OXNAD1: variants seen among roughly 807,000 people sequenced by gnomAD.
The protein encoded by OXNAD1 is oxidoreductase NAD binding domain containing 1, also known as oxidoreductase NAD-binding domain-containing protein 1.
Under a neutral mutation model 32.9 loss-of-function variants are expected in OXNAD1, and 34 were observed. That is an observed-to-expected ratio of 1.03 (90% CI 0.79 to 1.38). The LOEUF is 1.38. OXNAD1 is among the 40% of genes most tolerant of loss of function. The probability of loss-of-function intolerance (pLI) is 0.00; values close to 1 mark genes in which losing one functional copy is unlikely to be tolerated. For synonymous variants in OXNAD1, 134 were observed against 135.2 expected (o/e 0.99, Z 0.06); for missense variants, 407 against 379.4 (o/e 1.07, Z -0.60).
At position 16,345,850 on chromosome 3, in the gene OXNAD1, A is replaced by G. The variant is rs762804090; in HGVS notation, c.*31-3326A>G. 6.3e-4 allele frequency among the ~76,000 whole-genome samples: 17 copies of G among 26,998 alleles called. No homozygotes were observed. Among genetic ancestry groups the G allele is most frequent in the South Asian group, 1.1e-3 (1 of 888 alleles). The allele number at this position is 26,998 out of a possible 152,430, so 17.7% of individuals were successfully genotyped here. ...CGCGTGCGCGCACGCGCACATGTGCATGTGTATGTGTATAATCTCCTACTG... is the reference window on the plus strand; with the variant it reads ...CGCGTGCGCGCACGCGCACATGTGCGTGTGTATGTGTATAATCTCCTACTG... On this transcript the variant is annotated intron_variant, in intron 9 of 9. Transcript: ENST00000606098. This position sits in a 1 kb window ranked among gnomAD's most constrained non-coding sequence, Gnocchi z 5.2.
At position 16,346,715 on chromosome 3, in the gene OXNAD1, A is replaced by G. The variant is rs939029722; in HGVS notation, c.*31-2461A>G. On this transcript the variant is annotated intron_variant, in intron 9 of 9. Transcript: ENST00000606098. The surrounding 1 kb of genome is among the most constrained non-coding windows in gnomAD (Gnocchi z 4.4). ...GTTTCTGGGAAAGCTTTTACTTGCT[A>G]ATAAAAAGGGACGTGTGGCAGGAAA... is the stretch of plus-strand genomic sequence containing the variant. Among the ~76,000 whole-genome samples the G allele has an allele frequency of 6.6e-6, 1 of 152,186 alleles. No individual in the cohort carries two copies.
intron 9 of OXNAD1, among the ~76,000 whole-genome samples, chr3:16,333,891 C>T (rs749500936): frequency 5.3e-5 from 8 of 152,196 alleles, no homozygotes; most frequent in African/African-American, 7.2e-5. Context: ...ACCAGCCGGG[C>T]GTGGTGGCTC....
At chr3:16,306,100 A>ATGAG (rs2067535991), downstream of OXNAD1, 1 of 139,916 alleles carries the variant, frequency 7.1e-6, no homozygotes, top group African/African-American at 3.3e-5. Flanking sequence ...CTCTGGCTCT[A>ATGAG]TGAGTTTGAA....
At chr3:16,333,982 G>C (rs541493668) in intron 9 of OXNAD1, among the ~76,000 whole-genome samples, 1 of 152,134 alleles carries the variant, frequency 6.6e-6, no homozygotes, top group African/African-American at 2.4e-5. Context: ...GGGCTAACAC[G>C]GTGAAACCCC....
At chr3:16,318,956 G>A (rs2068734580) in intron 9 of OXNAD1, among the ~76,000 whole-genome samples, 1 of 152,158 alleles carries the variant, frequency 6.6e-6, no homozygotes, top group African/African-American at 2.4e-5. Flanking sequence ...TGCCAGGCAG[G>A]CATCTCGAGG....
rs1244950528 is a variant in OXNAD1 at position 16,289,744 on chromosome 3, T to C, written c.290+3296T>C. 1.3e-5 allele frequency among the ~76,000 whole-genome samples: 2 copies of C among 152,238 alleles called. No individual in the cohort carries two copies. Among genetic ancestry groups the C allele is most frequent in the Non-Finnish European group, 2.9e-5 (2 of 68,036 alleles). On this transcript the variant is annotated intron_variant, in intron 5 of 8. Transcript: ENST00000285083. The surrounding 1 kb of genome is among the most constrained non-coding windows in gnomAD (Gnocchi z 4.9). Reference sequence around the variant, plus strand: ...GTAAGCATTGTGTGTCTTTTAAGACTGTTTAAAGGGCATCTCTTCTGTGAA... The same window carrying C: ...GTAAGCATTGTGTGTCTTTTAAGACCGTTTAAAGGGCATCTCTTCTGTGAA...
chr3:16,270,754 C>T (rs2064867639), intron 2 of OXNAD1, among the ~76,000 whole-genome samples, 191 bp from the exon 3 acceptor site: 1 of 152,016 alleles, frequency 6.6e-6, no homozygotes, highest in Non-Finnish European at 1.5e-5. Flanking sequence ...GTGGAGATAC[C>T]TTGAGTCAAC....
At chr3:16,347,118 T>C (rs145524660) in intron 9 of OXNAD1, among the ~76,000 whole-genome samples, 3 of 152,320 alleles carry the variant, frequency 2.0e-5, no homozygotes, top group East Asian at 1.9e-4. Flanking sequence ...CCAGGGCCAA[T>C]TGTCCCAGTG....
chr3:16,333,398 T>C (rs1052920790), intron 9 of OXNAD1, among the ~76,000 whole-genome samples: 2 of 152,234 alleles, frequency 1.3e-5, no homozygotes, highest in Admixed American at 1.3e-4. Flanking sequence ...TGTATTGATT[T>C]TGGGATTACA....
At chr3:16,347,951 T>C (rs1276343866) in intron 9 of OXNAD1, 1 of 151,934 alleles carries the variant, frequency 6.6e-6, no homozygotes, top group Non-Finnish European at 1.5e-5. Flanking sequence ...TACAACAGAG[T>C]AGAAGCAGCC....
rs988356606 is a variant in OXNAD1, at chr3:16,334,682, G to A, written c.*31-2430G>A. Reference sequence around the variant, plus strand: ...AGGAACCTATGGAAATGTCCAGGAGGCAACTAAATGAAACAGCCTGTGGTA... The same window carrying A: ...AGGAACCTATGGAAATGTCCAGGAGACAACTAAATGAAACAGCCTGTGGTA... On this transcript the variant is annotated intron_variant, in intron 9 of 9. Transcript: ENST00000435829. This position sits in a 1 kb window ranked among gnomAD's most constrained non-coding sequence, Gnocchi z 4.3. Among the ~76,000 whole-genome samples the A allele has an allele frequency of 6.6e-6, 1 of 152,132 alleles. No homozygotes were observed. Among genetic ancestry groups the A allele is most frequent in the Non-Finnish European group, 1.5e-5 (1 of 68,016 alleles).
chr3:16,307,762 T>A (rs2067666093), downstream of OXNAD1, among the ~76,000 whole-genome samples: 2 of 109,208 alleles, frequency 1.8e-5, no homozygotes, highest in African/African-American at 8.7e-5. Flanking sequence ...TAATTTTAGA[T>A]TTACAGAAGA....
In OXNAD1 at chr3:16,345,137, CCT is replaced by C. The variant is rs2071556527; in HGVS notation, c.*31-4036_*31-4035del. 1 of 152,236 alleles carries C rather than the reference CCT, an allele frequency of 6.6e-6. No individual in the cohort carries two copies. The highest frequency in any genetic ancestry group is 2.1e-4 in the South Asian group (1 of 4,838). 9.4% of individuals were successfully genotyped at this position (152,236 alleles called of 1,614,324 possible). On this transcript the variant is annotated intron_variant, in intron 9 of 9. Coordinates refer to the OXNAD1 transcript ENST00000606098. The surrounding 1 kb of genome is among the most constrained non-coding windows in gnomAD (Gnocchi z 5.2). ...GGAAGTGGATTCTTCCCCACCAAAA[CCT>C]CTAATAAGGCACACAGCTCTGCTGA...
rs1454791036 is a variant in OXNAD1 at position 16,271,416 on chromosome 3, C to T, written c.120-243C>T. On this transcript the variant is annotated intron_variant, in intron 3 of 8. Transcript: ENST00000285083. This position sits in a 1 kb window ranked among gnomAD's most constrained non-coding sequence, Gnocchi z 4.6. Reference sequence around the variant, plus strand: ...AAAGGCTTTCTCCATGTTGGCCAGGCTGGTCTCGTACTCCTGACGTCAGAT... The same window carrying T: ...AAAGGCTTTCTCCATGTTGGCCAGGTTGGTCTCGTACTCCTGACGTCAGAT... Among the ~76,000 whole-genome samples, 1 of 152,130 alleles carries T rather than the reference C, an allele frequency of 6.6e-6. No homozygotes were observed. The highest frequency in any genetic ancestry group is 1.5e-5 in the Non-Finnish European group (1 of 68,024).
chr3:16,276,615 C>T (rs766505611), intron 4 of OXNAD1: 4 of 162,154 alleles, frequency 2.5e-5, no homozygotes, highest in East Asian at 3.7e-4. Flanking sequence ...TTGTTCCTGG[C>T]GATTTGTAGA....
chr3:16,282,844 C>CG (rs2065845670), intron 4 of OXNAD1, among the ~76,000 whole-genome samples: 1 of 13,822 alleles, frequency 7.2e-5, no homozygotes, highest in South Asian at 2.2e-3. Flanking sequence ...TTTTTTTTTT[C>CG]GGTGATTGAG....
At chr3:16,278,803 C>G (rs2065539230) in intron 4 of OXNAD1, among the ~76,000 whole-genome samples, 1 of 152,200 alleles carries the variant, frequency 6.6e-6, no homozygotes, top group Admixed American at 6.5e-5. Flanking sequence ...GGCTGGGCCC[C>G]TGGGGCAGAT....
rs758887586 is a variant in OXNAD1, at chr3:16,329,306, C to T, written c.*31-7806C>T. Among the ~76,000 whole-genome samples the T allele has an allele frequency of 2.0e-5, 3 of 152,028 alleles. No individual in the cohort carries two copies. The highest frequency in any genetic ancestry group is 4.4e-5 in the Non-Finnish European group (3 of 68,020). On this transcript the variant is annotated intron_variant, in intron 9 of 9. Transcript: ENST00000435829. This position sits in a 1 kb window ranked among gnomAD's most constrained non-coding sequence, Gnocchi z 4.5. Reference sequence around the variant, plus strand: ...TTGCCTGATCTCAGGTATCCTGTTACAACAGCACAAGTGGACCGAGACAGG... The same window carrying T: ...TTGCCTGATCTCAGGTATCCTGTTATAACAGCACAAGTGGACCGAGACAGG...
rs1175864875 is a variant in OXNAD1 at position 16,335,096 on chromosome 3, C to T, written c.*31-2016C>T. ...TAATACTCATTTCAGACTTCTGACT[C>T]AACAAATGTAAGACAATAAACTTGC... is the stretch of plus-strand genomic sequence containing the variant. On this transcript the variant is annotated intron_variant, in intron 9 of 9. Coordinates refer to the OXNAD1 transcript ENST00000435829. The surrounding 1 kb of genome is among the most constrained non-coding windows in gnomAD (Gnocchi z 4.7). Among the ~76,000 whole-genome samples, 1 of 152,230 alleles carries T rather than the reference C, an allele frequency of 6.6e-6. No homozygotes were observed. Among genetic ancestry groups the T allele is most frequent in the African/African-American group, 2.4e-5 (1 of 41,466 alleles).
Sources: allele counts gnomAD v4.1 joint callset (sites outside exome capture counted in the v4.1 genomes callset), GRCh38; gene constraint gnomAD v4.1.1; non-coding constraint Gnocchi (gnomAD v3.1); transcripts MANE v1.5; gene names NCBI Gene and HGNC (gene_info 2026-07-23, HGNC 2026-07-21).